DROSHA: variants seen among roughly 807,000 people sequenced by gnomAD.
DROSHA encodes ribonuclease 3.
A neutral mutation model predicts 181.9 loss-of-function variants in DROSHA; 56 were observed. The observed-to-expected ratio is 0.31, with a 90% confidence interval of 0.25 to 0.38. DROSHA has a LOEUF of 0.38. DROSHA is among the 10% of genes least tolerant of loss of function. The pLI is 1.00. For synonymous variants in DROSHA, 524 were observed against 591.2 expected (o/e 0.89, Z 1.65); for missense variants, 1,218 against 1,743.5 (o/e 0.70, Z 5.37).
chr5:31,418,253 G>T (rs1468525921), intron 30 of DROSHA, among the ~76,000 whole-genome samples: 1 of 151,918 alleles, frequency 6.6e-6, no homozygotes, highest in Non-Finnish European at 1.5e-5. Flanking sequence ...CAGAGAGAGA[G>T]AGAGAGAGGG....
intron 7 of DROSHA, 23 bp downstream of exon 7, chr5:31,515,431 G>A: frequency 8.6e-7 from 1 of 1,160,302 alleles, no homozygotes; most frequent in Non-Finnish European, 1.2e-6. Context: ...CAAATTCCCA[G>A]GCCCCACCCC....
chr5:31,409,625 C>T lies in DROSHA; in HGVS notation c.3668-293G>A. ...GCCGCTGTATATCAGGGAAAAAATG[C>T]TGAGCACCCAACCCTGTTCACATCA... On this transcript the variant is annotated intron_variant, in intron 31 of 35. Transcript: ENST00000344624. This position sits in a 1 kb window ranked among gnomAD's most constrained non-coding sequence, Gnocchi z 4.0. 1 of 344,418 alleles carries T rather than the reference C, an allele frequency of 2.9e-6. No individual in the cohort carries two copies. The highest frequency in any genetic ancestry group is 5.4e-6 in the Non-Finnish European group (1 of 185,150). 21.3% of individuals were successfully genotyped at this position (344,418 alleles called of 1,614,324 possible). A position where few individuals can be genotyped will look rare whatever the true frequency, so the allele number is the denominator to read the frequency against.
intron 10 of DROSHA, among the ~76,000 whole-genome samples, chr5:31,507,506 C>T (rs185593447): frequency 6.6e-6 from 1 of 150,392 alleles, no homozygotes; most frequent in Non-Finnish European, 1.5e-5. Flanking sequence ...CCCCTATAGT[C>T]CTAGATACTT....
intron 16 of DROSHA, among the ~76,000 whole-genome samples, chr5:31,478,287 C>G (rs28397014): frequency 2.6e-5 from 4 of 152,100 alleles, no homozygotes; most frequent in African/African-American, 9.7e-5. Flanking sequence ...CTGACACTAA[C>G]GACAGCTGAT....
At position 31,527,330 on chromosome 5, in the gene DROSHA, C is replaced by A. The variant is rs529006789; in HGVS notation, c.21-418G>T. On this transcript the variant is annotated intron_variant, in intron 4 of 35. Coordinates refer to ENST00000344624, the MANE Select transcript of DROSHA (RefSeq NM_001382508.1). ...AAATGCAGATTTGGGATTACCACCC[C>A]CCCTCTGCAATCCTCCACCTCTCCC... Among the ~76,000 whole-genome samples the A allele has an allele frequency of 1.1e-4, 16 of 152,074 alleles. No homozygotes were observed. In the East Asian group the frequency reaches 1.9e-3, roughly 18 times the overall value.
intron 23 of DROSHA, among the ~76,000 whole-genome samples, chr5:31,440,807 T>C (rs189906054): frequency 6.6e-6 from 1 of 152,164 alleles, no homozygotes; most frequent in Non-Finnish European, 1.5e-5. Context: ...TAAAATTACC[T>C]TCAGGCTATG....
chr5:31,419,736 A>G (rs1428434938), intron 30 of DROSHA, among the ~76,000 whole-genome samples: 2 of 152,188 alleles, frequency 1.3e-5, no homozygotes, highest in Non-Finnish European at 2.9e-5. Context: ...GGGCCCTAAG[A>G]TGAATTACTA....
chr5:31,513,478 T>C (rs1263805860), intron 8 of DROSHA, among the ~76,000 whole-genome samples: 1 of 152,174 alleles, frequency 6.6e-6, no homozygotes, highest in African/African-American at 2.4e-5. Context: ...TAAGACAACA[T>C]GAGAAGCATG....
chr5:31,420,035 T>G (rs1300567100), intron 30 of DROSHA, among the ~76,000 whole-genome samples: 1 of 152,154 alleles, frequency 6.6e-6, no homozygotes, highest in Non-Finnish European at 1.5e-5. Context: ...CAAGAGATAC[T>G]CATCGAGTGA....
intron 23 of DROSHA, among the ~76,000 whole-genome samples, chr5:31,443,210 G>T (rs1157998923): frequency 6.6e-6 from 1 of 151,834 alleles, no homozygotes; most frequent in South Asian, 2.1e-4. Context: ...AGTAGAGAGG[G>T]TTTCATCATG....
At position 31,526,326 on chromosome 5, in the gene DROSHA, G is replaced by A. The variant is rs371122199; in HGVS notation, c.607C>T (p.His203Tyr). Residue 203 changes from histidine to tyrosine, a missense_variant, in exon 5 of 36, where the codon CAT becomes TAT. Physicochemically the swap from His to Tyr is moderately conservative, Grantham distance 83. Coordinates refer to ENST00000344624, the MANE Select transcript of DROSHA (RefSeq NM_001382508.1). The stretch of plus-strand genomic sequence containing the variant: ...GGGTATGGAGGGAGATGTCTGAAAT[G>A]AGGACTACTGCTGTTATTAGCACTG... ...LPSANNSSSPHFRHLPPYPLP... is the reference protein window; with the variant it reads ...LPSANNSSSPYFRHLPPYPLP... The A allele has an allele frequency of 2.5e-5, 41 of 1,613,774 alleles. No individual in the cohort carries two copies. The Admixed American group carries it at 2.8e-4, about 11-fold the overall frequency.
In DROSHA at chr5:31,494,685, CA is replaced by C. The variant is rs74381671; in HGVS notation, c.1755+600del. Among the ~76,000 whole-genome samples the C allele has an allele frequency of 3.4e-3, 516 of 150,754 alleles. 2 individuals are homozygous for C. The highest frequency in any genetic ancestry group is 0.011 in the African/African-American group (460 of 41,222). ...CTTTGGAAACAGTTTGGCATTTCTTCAAAAAAAAATTTTTTTTTTTGAGACA... is the reference window on the plus strand; with the variant it reads ...CTTTGGAAACAGTTTGGCATTTCTTCAAAAAAAATTTTTTTTTTTGAGACA... On this transcript the variant is annotated intron_variant, in intron 12 of 35. Coordinates refer to ENST00000344624, the MANE Select transcript of DROSHA (RefSeq NM_001382508.1).
chr5:31,407,976 T>C (rs1029309389), intron 33 of DROSHA, among the ~76,000 whole-genome samples: 1 of 152,130 alleles, frequency 6.6e-6, no homozygotes, highest in Admixed American at 6.5e-5. Context: ...GGGGCTTTTT[T>C]CCCCCAATAA....
At chr5:31,474,975 T>C (rs917726244) in intron 16 of DROSHA, among the ~76,000 whole-genome samples, 3 of 152,172 alleles carry the variant, frequency 2.0e-5, no homozygotes, top group African/African-American at 7.2e-5. Context: ...GTTAGTACAG[T>C]TCAATCGAAG....
At chr5:31,447,673 T>A (rs1746476364) in intron 23 of DROSHA, among the ~76,000 whole-genome samples, 1 of 152,064 alleles carries the variant, frequency 6.6e-6, no homozygotes, top group South Asian at 2.1e-4. Flanking sequence ...AATAACCCAA[T>A]TAAAAATGGG....
intron 27 of DROSHA, among the ~76,000 whole-genome samples, chr5:31,425,839 C>T (rs1743398732): frequency 6.6e-6 from 1 of 152,124 alleles, no homozygotes; most frequent in East Asian, 1.9e-4. Flanking sequence ...TTAACCTAAG[C>T]TTCCATGTCC....
chr5:31,488,820 G>A (rs1752077628), intron 13 of DROSHA, among the ~76,000 whole-genome samples: 1 of 152,190 alleles, frequency 6.6e-6, no homozygotes, highest in South Asian at 2.1e-4. Context: ...GGGAAGACTG[G>A]AAAGGAAGAG....
intron 3 of DROSHA, among the ~76,000 whole-genome samples, chr5:31,529,804 C>T (rs2150066389): frequency 6.6e-6 from 1 of 151,294 alleles, no homozygotes; most frequent in East Asian, 1.9e-4. Context: ...ACAGTGAGAC[C>T]AGCATTCAAA....
intron 23 of DROSHA, among the ~76,000 whole-genome samples, chr5:31,447,502 A>C (rs1174419056): frequency 6.6e-6 from 1 of 152,246 alleles, no homozygotes; most frequent in Non-Finnish European, 1.5e-5. Flanking sequence ...GAAATGCAAT[A>C]AACTCAGAAT....
Sources: gnomAD v4.1 joint callset for allele counts (sites outside exome capture counted in the v4.1 genomes callset) on GRCh38, gnomAD v4.1.1 for gene constraint, Gnocchi (gnomAD v3.1) non-coding constraint, MANE v1.5 for transcripts, NCBI Gene and HGNC (gene_info 2026-07-23, HGNC 2026-07-21) for gene names.